RHCE: variants seen among roughly 807,000 people sequenced by gnomAD.
RHCE encodes the protein blood group Rh(CE) polypeptide.
In RHCE, 22 loss-of-function variants were observed where a neutral mutation model predicts 43.8. That is an observed-to-expected ratio of 0.50 (90% CI 0.36 to 0.72). RHCE has a LOEUF of 0.72. Among genes scored for constraint, RHCE ranks in the 30% least tolerant of loss-of-function variants. The pLI, the probability that RHCE is intolerant of heterozygous loss-of-function variation, is 0.00. For missense variants in RHCE, 385 were observed against 525.4 expected (o/e 0.73, Z 2.61); for synonymous variants, 156 against 210.7 (o/e 0.74, Z 2.25).
At chr1:25,362,663 T>C (rs925844441) in intron 9 of RHCE, 110 bp from the exon 10 acceptor site, 1 of 662,826 alleles carries the variant, frequency 1.5e-6, no homozygotes, top group African/African-American at 2.3e-5. Context: ...AGAAATTCTT[T>C]CATAAAATCT....
chr1:25,385,194 C>G (rs371817600), intron 7 of RHCE, among the ~76,000 whole-genome samples: 4 of 152,198 alleles, frequency 2.6e-5, no homozygotes, highest in East Asian at 3.9e-4. Flanking sequence ...CCGAGGCCCA[C>G]CCTTCTCTGG....
intron 3 of RHCE, among the ~76,000 whole-genome samples, chr1:25,396,682 CCACT>C (rs1435912431): frequency 6.6e-6 from 1 of 152,096 alleles, no homozygotes. Context: ...TCCTGAAAAC[CCACT>C]CACTGTCACA....
chr1:25,415,647 T>C (rs1647350809), intron 1 of RHCE, among the ~76,000 whole-genome samples: 1 of 151,638 alleles, frequency 6.6e-6, no homozygotes, highest in Non-Finnish European at 1.5e-5. Flanking sequence ...CAAAACTCTG[T>C]CTCAAAAAAA....
chr1:25,401,596 C>T (rs1646744879), intron 3 of RHCE, among the ~76,000 whole-genome samples: 1 of 152,236 alleles, frequency 6.6e-6, no homozygotes, highest in Non-Finnish European at 1.5e-5. Flanking sequence ...CAAACTTAGA[C>T]TTTCGACAGG....
Position 25,394,456 on chromosome 1 carries a change from G to A in RHCE, c.487-2315C>T, listed in dbSNP as rs137883581. On this transcript the variant is annotated intron_variant, in intron 3 of 9. Coordinates refer to ENST00000294413, the MANE Select transcript of RHCE (RefSeq NM_020485.8). ...AAAAAAATCACCCCCTTGATGAGAT[G>A]AAGCTGCCCCTGGCCACCCCCTCAA... Among the ~76,000 whole-genome samples the A allele has an allele frequency of 2.9e-4, 44 of 152,194 alleles. No individual in the cohort carries two copies. The East Asian group carries it at 8.5e-3, about 29-fold the overall frequency.
intron 3 of RHCE, among the ~76,000 whole-genome samples, chr1:25,401,827 T>C (rs147495287): frequency 1.2e-4 from 18 of 152,334 alleles, no homozygotes; most frequent in Admixed American, 2.6e-4. Flanking sequence ...ACCACACTTT[T>C]GTAACCTCAT....
At chr1:25,400,767 C>A (rs1440977620) in intron 3 of RHCE, among the ~76,000 whole-genome samples, 1 of 151,900 alleles carries the variant, frequency 6.6e-6, no homozygotes, top group Non-Finnish European at 1.5e-5. Flanking sequence ...GGTTTTCCCT[C>A]CCAGATCTAT....
At chr1:25,391,114 CAAGAGGG>C (rs1033805109) in intron 4 of RHCE, among the ~76,000 whole-genome samples, 199 bp from the exon 5 acceptor site, 1 of 152,094 alleles carries the variant, frequency 6.6e-6, no homozygotes, top group African/African-American at 2.4e-5. Context: ...AAACAAAGGC[CAAGAGGG>C]TTGAAATCTG....
At chr1:25,378,197 C>T (rs1403014387) in intron 7 of RHCE, among the ~76,000 whole-genome samples, 1 of 152,172 alleles carries the variant, frequency 6.6e-6, no homozygotes, top group East Asian at 1.9e-4. Flanking sequence ...GTAAAAGGAG[C>T]TTCTATACAC....
intron 8 of RHCE, among the ~76,000 whole-genome samples, chr1:25,373,409 AG>A (rs1645674283): frequency 2.0e-5 from 3 of 151,748 alleles, no homozygotes; most frequent in Non-Finnish European, 4.4e-5. Context: ...AGCCTTTCCC[AG>A]GGTTGGATTG....
rs114416091 is a variant in RHCE, at chr1:25,420,230, C to T, written c.148+409G>A. On this transcript the variant is annotated intron_variant, in intron 1 of 9. Transcript: ENST00000294413. ...GAGGCCACAAAAAGGAAACAAAACCCGAAAACCCAACAACATGAAATTGCT... is the reference window on the plus strand; with the variant it reads ...GAGGCCACAAAAAGGAAACAAAACCTGAAAACCCAACAACATGAAATTGCT... 3.1e-3 allele frequency among the ~76,000 whole-genome samples: 471 copies of T among 152,114 alleles called. 2 individuals carry two copies. The highest frequency in any genetic ancestry group is 0.01 in the African/African-American group (428 of 41,474).
chr1:25,417,934 G>T (rs563255628), intron 1 of RHCE, among the ~76,000 whole-genome samples: 5 of 152,226 alleles, frequency 3.3e-5, no homozygotes, highest in South Asian at 2.1e-4. Flanking sequence ...CAAACTTGTC[G>T]CGCTCCTGTT....
At chr1:25,380,941 G>A (rs1043899788) in intron 7 of RHCE, among the ~76,000 whole-genome samples, 2 of 130,092 alleles carry the variant, frequency 1.5e-5, no homozygotes, top group African/African-American at 3.0e-5. Flanking sequence ...TCGCTTTGTC[G>A]CCCAGGCTGG....
Position 25,408,599 on chromosome 1 carries a change from C to A in RHCE, c.335+84G>T, listed in dbSNP as rs562782555. 389 of 915,104 alleles carry A rather than the reference C, an allele frequency of 4.3e-4. 90 individuals are homozygous for A. The highest frequency in any genetic ancestry group is 2.2e-3 in the Middle Eastern group (8 of 3,620). The allele number at this position is 915,104 out of a possible 1,614,324, so 56.7% of individuals were successfully genotyped here. A position where few individuals can be genotyped will look rare whatever the true frequency, so the allele number is the denominator to read the frequency against. ...GCACTGGTGCTAGACAGAGAGGGGG[C>A]AATATCCCAGATCTTCTGGAACCTG... is the stretch of plus-strand genomic sequence containing the variant. On this transcript the variant is annotated intron_variant, in intron 2 of 9. Transcript: ENST00000294413.
At position 25,362,288 on chromosome 1, in the gene RHCE, A is replaced by G. The variant is rs1645421152; in HGVS notation, c.*239T>C. On this transcript the variant is annotated 3_prime_UTR_variant, in exon 10 of 10. Coordinates refer to ENST00000294413, the MANE Select transcript of RHCE (RefSeq NM_020485.8). ...AACTTTAATAATGTGTCTGTAACCA[A>G]GAAAATATTGATAGCATCATCCTAA... 1.1e-6 allele frequency: 1 copy of G among 902,916 alleles called. No homozygotes were observed. The highest frequency in any genetic ancestry group is 1.7e-5 in the African/African-American group (1 of 59,184). The allele number at this position is 902,916 out of a possible 1,614,324, so 55.9% of individuals were successfully genotyped here.
chr1:25,387,125 A>G (rs967130724), intron 6 of RHCE, among the ~76,000 whole-genome samples: 1 of 152,212 alleles, frequency 6.6e-6, no homozygotes, highest in Non-Finnish European at 1.5e-5. Context: ...ATCTGGGTTC[A>G]CCATGCTCCT....
At chr1:25,429,029 C>T (rs754630967) in exon 2 of RHCE, 1 of 152,210 alleles carries the variant, frequency 6.6e-6, no homozygotes, top group Non-Finnish European at 1.5e-5. Flanking sequence ...AATGGGTTTT[C>T]TCTTCCAGGC....
chr1:25,405,995 G>A (rs28638165), intron 2 of RHCE, among the ~76,000 whole-genome samples: 100,704 of 121,806 alleles, frequency 0.83, 45,752 homozygotes, highest in Non-Finnish European at 0.96. Flanking sequence ...TGGAGCAAGG[G>A]AGTTCACTCA....
At position 25,379,484 on chromosome 1, in the gene RHCE, TA is replaced by T. The variant is rs1557605413; in HGVS notation, c.1074-4057del. Among the ~76,000 whole-genome samples, 48 of 16,730 alleles carry T rather than the reference TA, an allele frequency of 2.9e-3. 1 individual carries two copies. The highest frequency in any genetic ancestry group is 4.1e-3 in the African/African-American group (8 of 1,974). 11.0% of individuals were successfully genotyped at this position (16,730 alleles called of 152,430 possible). A position where few individuals can be genotyped will look rare whatever the true frequency, so the allele number is the denominator to read the frequency against. Reference sequence around the variant, plus strand: ...ATATATATATATATATATATATATATATATATATATATTTTTTTTTTTTTTT... The same window carrying T: ...ATATATATATATATATATATATATATTATATATATATTTTTTTTTTTTTTT... On this transcript the variant is annotated intron_variant, in intron 7 of 9. Coordinates refer to ENST00000294413, the MANE Select transcript of RHCE (RefSeq NM_020485.8).
Sources: gnomAD v4.1 joint callset for allele counts (sites outside exome capture counted in the v4.1 genomes callset) on GRCh38, gnomAD v4.1.1 for gene constraint, MANE v1.5 for transcripts, NCBI Gene and HGNC (gene_info 2026-07-23, HGNC 2026-07-21) for gene names.